Variants in SMOC2 observed in about 807,000 individuals in gnomAD.
SMOC2 encodes the protein SPARC related modular calcium binding 2, also known as SPARC-related modular calcium-binding protein 2.
SMOC2 carries 39 observed loss-of-function variants against 61.4 expected under a neutral mutation model. The ratio of observed to expected loss-of-function variants is 0.64; its 90% CI spans 0.49 to 0.83. The LOEUF is 0.83. SMOC2 is among the 40% of genes least tolerant of loss of function. The pLI, the probability that SMOC2 is intolerant of heterozygous loss-of-function variation, is 0.00. For synonymous variants in SMOC2, 247 were observed against 239.9 expected (o/e 1.03, Z -0.27); for missense variants, 556 against 592.9 (o/e 0.94, Z 0.65).
At chr6:168,638,443 G>A (rs1194701084) in intron 9 of SMOC2, among the ~76,000 whole-genome samples, 7 of 152,168 alleles carry the variant, frequency 4.6e-5, no homozygotes, top group African/African-American at 1.4e-4. Flanking sequence ...GGGTAGGAAA[G>A]CAGCCCTGTT....
At chr6:168,521,183 C>G (rs1471820919) in intron 2 of SMOC2, among the ~76,000 whole-genome samples, 1 of 152,068 alleles carries the variant, frequency 6.6e-6, no homozygotes, top group South Asian at 2.1e-4. Context: ...GAGCCTTGCT[C>G]TGTCACCCAG....
chr6:168,607,110 A>G (rs1197262504), intron 8 of SMOC2, among the ~76,000 whole-genome samples: 1 of 151,972 alleles, frequency 6.6e-6, no homozygotes, highest in African/African-American at 2.4e-5. Flanking sequence ...CGTCTCCTTC[A>G]TGCTGGTGAG....
At chr6:168,517,802 T>TG (rs1451170589) in intron 2 of SMOC2, among the ~76,000 whole-genome samples, 1 of 150,986 alleles carries the variant, frequency 6.6e-6, no homozygotes, top group South Asian at 2.1e-4. Context: ...GAACCCCCTG[T>TG]GGGGGTGAAA....
chr6:168,607,226 A>G (rs1428489041), intron 8 of SMOC2, among the ~76,000 whole-genome samples: 1 of 151,718 alleles, frequency 6.6e-6, no homozygotes, highest in East Asian at 1.9e-4. Context: ...GGTGGCCCGC[A>G]CTCTGTTTAA....
chr6:168,567,986 G>A (rs576885550), intron 7 of SMOC2, among the ~76,000 whole-genome samples: 6 of 148,880 alleles, frequency 4.0e-5, no homozygotes, highest in Admixed American at 6.7e-5. Flanking sequence ...GGCGAAGACC[G>A]GATGGTGTGA....
At chr6:168,571,063 A>C (rs1316432194) in intron 7 of SMOC2, among the ~76,000 whole-genome samples, 2 of 152,172 alleles carry the variant, frequency 1.3e-5, no homozygotes, top group Non-Finnish European at 2.9e-5. Context: ...ACAGTGGCGC[A>C]TGGCCTGACC....
chr6:168,572,395 C>T (rs1460370633), intron 7 of SMOC2, among the ~76,000 whole-genome samples: 6 of 9,546 alleles, frequency 6.3e-4, no homozygotes, highest in Non-Finnish European at 5.0e-4. Flanking sequence ...ACCAGGGCTG[C>T]GTGCTCCCTG....
intron 7 of SMOC2, among the ~76,000 whole-genome samples, chr6:168,581,060 G>A (rs774823986): frequency 6.6e-6 from 1 of 152,038 alleles, no homozygotes; most frequent in Non-Finnish European, 1.5e-5. Context: ...ATTCCCCCCT[G>A]GTTTTTATAC....
intron 7 of SMOC2, among the ~76,000 whole-genome samples, chr6:168,563,697 C>T (rs890994598): frequency 4.6e-5 from 7 of 152,136 alleles, no homozygotes; most frequent in East Asian, 1.9e-4. Flanking sequence ...ACCAAGAAGG[C>T]GCCATCTGTG....
chr6:168,618,565 C>T (rs1320618381), intron 9 of SMOC2, among the ~76,000 whole-genome samples: 12 of 136,812 alleles, frequency 8.8e-5, no homozygotes, highest in South Asian at 2.4e-4. Flanking sequence ...AAACGAGGGT[C>T]GAGAGGTGGG....
At chr6:168,462,151 T>C (rs1781732100) in intron 1 of SMOC2, among the ~76,000 whole-genome samples, 1 of 152,120 alleles carries the variant, frequency 6.6e-6, no homozygotes, top group African/African-American at 2.4e-5. Flanking sequence ...TTCCCTTAAC[T>C]TTGAGGCACA....
intron 1 of SMOC2, among the ~76,000 whole-genome samples, chr6:168,503,561 T>G (rs936709375): frequency 6.6e-6 from 1 of 152,132 alleles, no homozygotes; most frequent in Non-Finnish European, 1.5e-5. Context: ...ATGAAAGAGC[T>G]CGTTATTTTA....
intron 7 of SMOC2, among the ~76,000 whole-genome samples, chr6:168,568,203 C>T (rs893231522): frequency 1.8e-4 from 27 of 152,202 alleles, no homozygotes; most frequent in African/African-American, 6.3e-4. Flanking sequence ...CAACTACAGG[C>T]GAAGACCGGA....
At chr6:168,445,150 A>G (rs1583021993) in intron 1 of SMOC2, among the ~76,000 whole-genome samples, 1 of 152,166 alleles carries the variant, frequency 6.6e-6, no homozygotes, top group Non-Finnish European at 1.5e-5. Context: ...AGATCCGAAT[A>G]TTTCTCAAGT....
intron 10 of SMOC2, among the ~76,000 whole-genome samples, chr6:168,652,304 T>G (rs1297225297): frequency 6.6e-6 from 1 of 152,154 alleles, no homozygotes; most frequent in South Asian, 2.1e-4. Context: ...GGTGTTCTCA[T>G]ACCTGGGAAT....
chr6:168,577,302 T>G (rs766062574), intron 7 of SMOC2, among the ~76,000 whole-genome samples: 4 of 151,738 alleles, frequency 2.6e-5, no homozygotes, highest in East Asian at 1.9e-4. Flanking sequence ...AAACGCGCTC[T>G]CTCTCGTCTC....
intron 1 of SMOC2, among the ~76,000 whole-genome samples, chr6:168,451,661 T>G (rs1781471245): frequency 6.6e-6 from 1 of 152,040 alleles, no homozygotes; most frequent in Non-Finnish European, 1.5e-5. Context: ...TTTCTAGGTT[T>G]TTGTAAACAT....
intron 11 of SMOC2, among the ~76,000 whole-genome samples, chr6:168,657,848 A>T (rs535732566): frequency 5.8e-4 from 88 of 152,196 alleles, no homozygotes; most frequent in Admixed American, 3.2e-3. Context: ...AATGGCATTC[A>T]CCTATTCGTG....
intron 12 of SMOC2, chr6:168,664,822 A>C: frequency 2.1e-6 from 1 of 470,906 alleles, no homozygotes; most frequent in South Asian, 1.6e-5. Flanking sequence ...GAGTGGGTTC[A>C]TGTCTCTCTC....
Sources: allele counts gnomAD v4.1 joint callset (sites outside exome capture counted in the v4.1 genomes callset), GRCh38; gene constraint gnomAD v4.1.1; transcripts MANE v1.5; gene names NCBI Gene and HGNC (gene_info 2026-07-23, HGNC 2026-07-21).